VAT1L: variants seen among roughly 807,000 people sequenced by gnomAD.
VAT1L encodes the protein vesicle amine transport 1 like.
A neutral mutation model predicts 44.1 loss-of-function variants in VAT1L; 34 were observed. The ratio of observed to expected loss-of-function variants is 0.77; its 90% CI spans 0.59 to 1.03. The LOEUF (loss-of-function observed/expected upper bound fraction) is 1.03, where lower values mean the gene tolerates loss of function less well. Ranked by LOEUF, VAT1L falls within the 50% of genes least tolerant of loss-of-function variation. The pLI, the probability that VAT1L is intolerant of heterozygous loss-of-function variation, is 0.00. For synonymous variants in VAT1L, 253 were observed against 202.2 expected (o/e 1.25, Z -2.13); for missense variants, 615 against 538.8 (o/e 1.14, Z -1.40).
chr16:77,874,880 A>G (rs2017072119), intron 4 of VAT1L, among the ~76,000 whole-genome samples: 1 of 151,496 alleles, frequency 6.6e-6, no homozygotes, highest in Non-Finnish European at 1.5e-5. Context: ...CTGGCTCCTA[A>G]GTAACTGGCT....
At chr16:77,937,103 G>A (rs1378327344) in intron 7 of VAT1L, among the ~76,000 whole-genome samples, 1 of 152,028 alleles carries the variant, frequency 6.6e-6, no homozygotes, top group Non-Finnish European at 1.5e-5. Flanking sequence ...GGATGGTCTC[G>A]ATCTCTTAGC....
In VAT1L at chr16:77,879,078, C is replaced by G; in HGVS notation, c.827-91C>G. 7.5e-7 allele frequency: 1 copy of G among 1,336,226 alleles called. No individual in the cohort carries two copies. The allele number at this position is 1,336,226 out of a possible 1,614,324, so 82.8% of individuals were successfully genotyped here. On this transcript the variant is annotated intron_variant, in intron 5 of 8. Transcript: ENST00000302536. This position sits in a 1 kb window ranked among gnomAD's most constrained non-coding sequence, Gnocchi z 4.1. ...ATTTGTTTTCAAGATTTCTCCAGTTCCGGACCAAACAATTGCCATTTTTTT... is the reference window on the plus strand; with the variant it reads ...ATTTGTTTTCAAGATTTCTCCAGTTGCGGACCAAACAATTGCCATTTTTTT...
intron 7 of VAT1L, among the ~76,000 whole-genome samples, chr16:77,960,892 A>G (rs1397707230): frequency 1.3e-5 from 2 of 152,070 alleles, no homozygotes; most frequent in East Asian, 3.9e-4. Context: ...GGGTGAGCCA[A>G]TTAAATTTTC....
chr16:77,803,912 C>T (rs540177817), intron 1 of VAT1L, among the ~76,000 whole-genome samples: 16 of 152,192 alleles, frequency 1.1e-4, no homozygotes, highest in African/African-American at 3.9e-4. Flanking sequence ...ACAAGGGGCA[C>T]GCCCATTCAG....
At chr16:77,794,290 C>A (rs1169535731) in intron 1 of VAT1L, among the ~76,000 whole-genome samples, 2 of 152,170 alleles carry the variant, frequency 1.3e-5, no homozygotes, top group African/African-American at 4.8e-5. Flanking sequence ...TATCCTGCCT[C>A]CCACCCCAAA....
chr16:77,951,851 A>AC (rs1456675719), intron 7 of VAT1L, among the ~76,000 whole-genome samples: 2 of 150,132 alleles, frequency 1.3e-5, no homozygotes, highest in African/African-American at 2.5e-5. Context: ...AAAAAAAAAA[A>AC]AACACGAAAA....
intron 3 of VAT1L, 43 bp downstream of exon 3, chr16:77,825,504 G>A (rs1430516744): frequency 6.5e-7 from 1 of 1,547,700 alleles, no homozygotes; most frequent in African/African-American, 1.4e-5. Flanking sequence ...AGGTCATGAT[G>A]GTGGAAGTGG....
intron 1 of VAT1L, among the ~76,000 whole-genome samples, chr16:77,796,708 C>T (rs1407136312): frequency 1.3e-5 from 2 of 152,338 alleles, no homozygotes; most frequent in East Asian, 3.9e-4. Context: ...ACATACAGAA[C>T]TAGGACATGA....
rs563490059 is a variant in VAT1L at position 77,790,232 on chromosome 16, C to T, written c.233+1317C>T. 1.2e-4 allele frequency among the ~76,000 whole-genome samples: 19 copies of T among 152,258 alleles called. No homozygotes were observed. The South Asian group carries it at 3.3e-3, about 27-fold the overall frequency. On this transcript the variant is annotated intron_variant, in intron 1 of 8. Coordinates refer to ENST00000302536, the MANE Select transcript of VAT1L (RefSeq NM_020927.3). ...CTTGCTGCTCATATATGCAGCTGGT[C>T]AGGTTTGACTCTGAACACGACTCGT... is the stretch of plus-strand genomic sequence containing the variant.
chr16:77,892,481 T>A, intron 7 of VAT1L: 1 of 529,626 alleles, frequency 1.9e-6, no homozygotes, highest in Non-Finnish European at 3.8e-6. Flanking sequence ...CCCTTGTGTC[T>A]CCTTTGAGCT....
chr16:77,908,464 CAAAAAAA>C (rs11418351), intron 7 of VAT1L, among the ~76,000 whole-genome samples: 154 of 39,376 alleles, frequency 3.9e-3, no homozygotes, highest in African/African-American at 7.9e-3. Flanking sequence ...GGTTCTGTCT[CAAAAAAA>C]AAAAAAAAAA....
In VAT1L at chr16:77,825,373, A is replaced by G. The variant is rs1191204341; in HGVS notation, c.491A>G (p.Asn164Ser). The G allele has an allele frequency of 1.2e-6, 2 of 1,613,936 alleles. No individual in the cohort carries two copies. The highest frequency in any genetic ancestry group is 1.7e-6 in the Non-Finnish European group (2 of 1,179,982). Residue 164 changes from asparagine (N) to serine (S), a missense_variant, in exon 3 of 9, where the codon AAC becomes AGC. By Grantham distance (46) the Asn-to-Ser change is conservative. Transcript: ENST00000302536. ...SFSEAAAFPM[N>S]FVTAYVMLFE... is the part of the protein sequence containing the mutation. ...TCCGAGGCTGCTGCATTCCCCATGA[A>G]CTTCGTCACAGCCTATGTGATGCTG...
rs2018368265 is a variant in VAT1L, at chr16:77,978,791, C to T, written c.*1096C>T. ...TCTGCAGCGCCCTGCTCTTCGGAAA[C>T]CAAGGAACAAGCCACCTGCTCACAC... On this transcript the variant is annotated 3_prime_UTR_variant, in exon 9 of 9. Transcript: ENST00000302536. 1 of 152,138 alleles carries T rather than the reference C, an allele frequency of 6.6e-6. No homozygotes were observed. Among genetic ancestry groups the T allele is most frequent in the Non-Finnish European group, 1.5e-5 (1 of 68,064 alleles). The allele number at this position is 152,138 out of a possible 1,614,324, so 9.4% of individuals were successfully genotyped here.
At chr16:77,913,137 G>A (rs989387180) in intron 7 of VAT1L, among the ~76,000 whole-genome samples, 1 of 152,120 alleles carries the variant, frequency 6.6e-6, no homozygotes, top group African/African-American at 2.4e-5. Context: ...TTTAGAAAGA[G>A]TTGTCTATGC....
At chr16:77,946,028 C>T (rs911840537) in intron 7 of VAT1L, among the ~76,000 whole-genome samples, 1 of 152,138 alleles carries the variant, frequency 6.6e-6, no homozygotes, top group African/African-American at 2.4e-5. Flanking sequence ...TCTCGAACTG[C>T]TGACCGCATG....
chr16:77,850,642 T>C (rs2016799550), intron 3 of VAT1L, among the ~76,000 whole-genome samples: 1 of 152,224 alleles, frequency 6.6e-6, no homozygotes, highest in African/African-American at 2.4e-5. Flanking sequence ...CGTTTGGTTT[T>C]TTGTTTTTGT....
At chr16:77,837,990 G>A (rs1350861014) in intron 3 of VAT1L, among the ~76,000 whole-genome samples, 2 of 152,182 alleles carry the variant, frequency 1.3e-5, no homozygotes, top group Non-Finnish European at 2.9e-5. Context: ...AGAGCGAGGG[G>A]CAAAGAAAGC....
intron 7 of VAT1L, among the ~76,000 whole-genome samples, chr16:77,903,734 CTTTT>C (rs552342074): frequency 3.2e-5 from 4 of 124,358 alleles, no homozygotes; most frequent in African/African-American, 9.1e-5. Context: ...TCTCTCATTA[CTTTT>C]TTTTTTTTTT....
At chr16:77,827,421 G>A (rs2016534247) in intron 3 of VAT1L, among the ~76,000 whole-genome samples, 1 of 152,194 alleles carries the variant, frequency 6.6e-6, no homozygotes, top group Admixed American at 6.5e-5. Flanking sequence ...AGAAGAATGT[G>A]TCAGGGGCAT....
Sources: allele counts gnomAD v4.1 joint callset (sites outside exome capture counted in the v4.1 genomes callset), GRCh38; gene constraint gnomAD v4.1.1; non-coding constraint Gnocchi (gnomAD v3.1); transcripts MANE v1.5; gene names NCBI Gene and HGNC (gene_info 2026-07-23, HGNC 2026-07-21).